APBA2: variants seen among roughly 807,000 people sequenced by gnomAD.
APBA2 encodes amyloid-beta A4 precursor protein-binding family A member 2.
A neutral mutation model predicts 75.0 loss-of-function variants in APBA2; 30 were observed. The observed-to-expected ratio is 0.40, with a 90% CI of 0.30 to 0.54. The LOEUF (loss-of-function observed/expected upper bound fraction) is 0.54. Among genes scored for constraint, APBA2 ranks in the 20% least tolerant of loss-of-function variants. APBA2 has a pLI of 0.49. For synonymous variants in APBA2, 444 were observed against 409.6 expected (o/e 1.08, Z -1.01); for missense variants, 801 against 1,016.1 (o/e 0.79, Z 2.88).
At chr15:28,975,841 A>G (rs575671382) in intron 2 of APBA2, among the ~76,000 whole-genome samples, 1 of 152,334 alleles carries the variant, frequency 6.6e-6, no homozygotes, top group Admixed American at 6.5e-5. Flanking sequence ...CTCAAAACAA[A>G]ACAATACAAG....
At chr15:28,943,856 C>G (rs2035380760) in intron 2 of APBA2, among the ~76,000 whole-genome samples, 1 of 152,200 alleles carries the variant, frequency 6.6e-6, no homozygotes, top group Non-Finnish European at 1.5e-5. Context: ...CAGACACCGC[C>G]CCTACATGGT....
At chr15:28,886,829 C>T (rs1407278055) in intron 1 of APBA2, among the ~76,000 whole-genome samples, 1 of 152,226 alleles carries the variant, frequency 6.6e-6, no homozygotes, top group Non-Finnish European at 1.5e-5. Flanking sequence ...TGCTCCTGGG[C>T]TGCAGGTGCC....
intron 1 of APBA2, among the ~76,000 whole-genome samples, chr15:28,916,874 G>C (rs1305353380): frequency 1.3e-5 from 2 of 152,164 alleles, no homozygotes; most frequent in African/African-American, 4.8e-5. Context: ...AAAATCTTCA[G>C]ACATCATTTT....
intron 3 of APBA2, among the ~76,000 whole-genome samples, chr15:28,996,468 A>T (rs2038528873): frequency 6.6e-6 from 1 of 152,196 alleles, no homozygotes; most frequent in Non-Finnish European, 1.5e-5. Flanking sequence ...TAGGACTGGT[A>T]GGAACAGAGC....
rs1464312215 is a variant in APBA2, at chr15:29,053,818, T to C, written c.-40-27T>C. On this transcript the variant is annotated intron_variant, in intron 3 of 14. Coordinates refer to ENST00000683413, the MANE Select transcript of APBA2 (RefSeq NM_001353788.2). ...GCTGGGCTTTGTGGGGTTTTGACTC[T>C]GTCCTTCCCAATGTTCCTCCCCACA... The C allele has an allele frequency of 4.1e-6, 6 of 1,448,306 alleles. No individual in the cohort carries two copies. The East Asian group carries it at 1.5e-4, about 35-fold the overall frequency. 89.7% of individuals were successfully genotyped at this position (1,448,306 alleles called of 1,614,324 possible).
chr15:28,916,509 TCC>T (rs2033698209), intron 1 of APBA2, among the ~76,000 whole-genome samples: 1 of 152,226 alleles, frequency 6.6e-6, no homozygotes, highest in South Asian at 2.1e-4. Context: ...CCCACCTGTC[TCC>T]CTCTCCCACC....
intron 4 of APBA2, among the ~76,000 whole-genome samples, chr15:29,056,655 C>G (rs1444018926): frequency 7.4e-6 from 1 of 134,588 alleles, no homozygotes; most frequent in East Asian, 2.5e-4. Flanking sequence ...CTCTCTCTCT[C>G]TCTCTCTCTT....
chr15:29,029,345 C>A (rs58815663), intron 3 of APBA2, among the ~76,000 whole-genome samples: 6,971 of 150,786 alleles, frequency 0.046, 302 homozygotes, highest in East Asian at 0.19. Context: ...AAAAAAAAAA[C>A]CCCTCTGTAG....
intron 2 of APBA2, among the ~76,000 whole-genome samples, chr15:28,978,074 A>G (rs760888208): frequency 6.6e-6 from 1 of 152,234 alleles, no homozygotes; most frequent in Non-Finnish European, 1.5e-5. Context: ...GGGCTTAGGC[A>G]AAAGACTGGT....
chr15:28,888,409 C>T (rs1047103479), intron 1 of APBA2, among the ~76,000 whole-genome samples: 7 of 152,258 alleles, frequency 4.6e-5, no homozygotes, highest in Admixed American at 1.3e-4. Flanking sequence ...GATTGGGCGG[C>T]GGTGGCTGTG....
chr15:28,891,713 A>G (rs1368685482), intron 1 of APBA2, among the ~76,000 whole-genome samples: 2 of 152,236 alleles, frequency 1.3e-5, no homozygotes, highest in Non-Finnish European at 2.9e-5. Flanking sequence ...AGGCAAGGAC[A>G]GTTCTGAGGA....
chr15:29,009,142 T>C (rs1440326516), intron 3 of APBA2, among the ~76,000 whole-genome samples: 1 of 152,152 alleles, frequency 6.6e-6, no homozygotes, highest in African/African-American at 2.4e-5. Flanking sequence ...TACAGTACCA[T>C]GACAGCAGGC....
intron 1 of APBA2, among the ~76,000 whole-genome samples, chr15:28,886,686 A>C (rs927194091): frequency 1.3e-5 from 2 of 152,134 alleles, no homozygotes; most frequent in African/African-American, 4.8e-5. Flanking sequence ...CCGGGCGGCA[A>C]CTACTGAGTT....
intron 3 of APBA2, among the ~76,000 whole-genome samples, chr15:29,009,073 CA>C (rs1299485676): frequency 6.6e-6 from 1 of 152,244 alleles, no homozygotes; most frequent in East Asian, 1.9e-4. Flanking sequence ...CCTAGTGCAC[CA>C]AAGTATCCTA....
chr15:28,958,512 G>A (rs983710368), intron 2 of APBA2, among the ~76,000 whole-genome samples: 1 of 152,236 alleles, frequency 6.6e-6, no homozygotes. Flanking sequence ...GAGATTTGGC[G>A]AAGGGGCTGA....
chr15:28,932,675 T>A (rs1432192891), intron 2 of APBA2, among the ~76,000 whole-genome samples: 1 of 152,138 alleles, frequency 6.6e-6, no homozygotes, highest in Non-Finnish European at 1.5e-5. Flanking sequence ...CTGCCTATTG[T>A]GATAGTGGAT....
chr15:28,920,580 C>T (rs1024058898), intron 1 of APBA2, among the ~76,000 whole-genome samples: 13 of 152,088 alleles, frequency 8.5e-5, no homozygotes, highest in Admixed American at 7.9e-4. Context: ...AGAGTGGGCC[C>T]GTGGAGTGGG....
chr15:28,979,898 A>G (rs771044375), intron 2 of APBA2, among the ~76,000 whole-genome samples: 2 of 152,234 alleles, frequency 1.3e-5, no homozygotes, highest in African/African-American at 2.4e-5. Context: ...TTAAAAAAAG[A>G]GAAAAGCAAG....
At chr15:29,008,334 GA>G (rs2039230919) in intron 3 of APBA2, among the ~76,000 whole-genome samples, 2 of 152,190 alleles carry the variant, frequency 1.3e-5, no homozygotes, top group African/African-American at 4.8e-5. Flanking sequence ...ACAGCAGTGT[GA>G]ATGTACTTAG....
Sources: gnomAD v4.1 joint callset for allele counts (sites outside exome capture counted in the v4.1 genomes callset) on GRCh38, gnomAD v4.1.1 for gene constraint, MANE v1.5 for transcripts, NCBI Gene and HGNC (gene_info 2026-07-23, HGNC 2026-07-21) for gene names.